Variants in TMEM222 observed in about 807,000 individuals in gnomAD.
The protein encoded by TMEM222 is chromosome 1 open reading frame 160.
TMEM222 carries 18 observed loss-of-function variants against 25.1 expected under a neutral mutation model. The observed-to-expected ratio is 0.72, with a 90% CI of 0.50 to 1.06. The LOEUF is 1.06. Among genes scored for constraint, TMEM222 ranks in the 50% least tolerant of loss-of-function variants. TMEM222 has a pLI of 0.00. For missense variants in TMEM222, 296 were observed against 293.7 expected, an observed-to-expected ratio of 1.01 and a Z score of -0.06; for synonymous variants, 131 against 117.9, an observed-to-expected ratio of 1.11 and a Z score of -0.72.
intron 1 of TMEM222, 76 bp from the exon 2 acceptor site, chr1:27,330,643 TG>T: frequency 8.2e-7 from 1 of 1,225,590 alleles, no homozygotes; most frequent in Non-Finnish European, 1.2e-6. Flanking sequence ...CTGTACTGTA[TG>T]AAGGGTCCCC....
In TMEM222 at chr1:27,322,170, G is replaced by C; in HGVS notation, c.-28G>C. ...ATGGGGACGAGCGGCACCAGAGCCG[G>C]GGCCAGTCGGAGCGGGGCGCGCGCC... On this transcript the variant is annotated 5_prime_UTR_variant, in exon 1 of 6. Coordinates refer to ENST00000374076, the MANE Select transcript of TMEM222 (RefSeq NM_032125.3). The C allele has an allele frequency of 7.3e-6, 10 of 1,368,928 alleles. No homozygotes were observed. The highest frequency in any genetic ancestry group is 9.5e-6 in the Non-Finnish European group (10 of 1,049,962). 84.8% of individuals were successfully genotyped at this position (1,368,928 alleles called of 1,614,324 possible). A position where few individuals can be genotyped will look rare whatever the true frequency, so the allele number is the denominator to read the frequency against.
At chr1:27,332,611 C>A in intron 3 of TMEM222, 1 of 683,094 alleles carries the variant, frequency 1.5e-6, no homozygotes, top group Non-Finnish European at 2.7e-6. Flanking sequence ...TCTTTGCAGT[C>A]TCGGGTGCCC....
chr1:27,333,697 C>T, intron 3 of TMEM222: 1 of 524,976 alleles, frequency 1.9e-6, no homozygotes, highest in Non-Finnish European at 3.5e-6. Context: ...GTTAAGATTT[C>T]AACATATGAA....
Position 27,334,226 on chromosome 1 carries a change from A to G in TMEM222, c.484A>G (p.Asn162Asp), listed in dbSNP as rs1447589547. 6.2e-6 allele frequency: 10 copies of G among 1,614,184 alleles called. No homozygotes were observed. Among genetic ancestry groups the G allele is most frequent in the Non-Finnish European group, 8.5e-6 (10 of 1,180,026 alleles). The change falls in exon 5 of 6, where the codon AAC (asparagine) becomes GAC (aspartate). Residue 162 changes from asparagine to aspartate, a missense_variant. Coordinates refer to ENST00000374076, the MANE Select transcript of TMEM222 (RefSeq NM_032125.3). ...LNLMRYNNST[N>D]WNMVTLCFFC... Reference sequence around the variant, plus strand: ...TCTGATGCGCTACAACAACAGCACCAACTGGAATATGGTGACGCTCTGCTT... The same window carrying G: ...TCTGATGCGCTACAACAACAGCACCGACTGGAATATGGTGACGCTCTGCTT...
intron 3 of TMEM222, chr1:27,332,397 C>T (rs1476251234): frequency 9.8e-6 from 7 of 717,846 alleles, no homozygotes; most frequent in Admixed American, 6.0e-5. Context: ...GTCAAGGTCA[C>T]ACAGGAAGTG....
rs751127933 is a variant in TMEM222, at chr1:27,334,209, G to A, written c.467G>A (p.Arg156His). The change falls in exon 5 of 6, where the codon CGC becomes CAC. Residue 156 changes from arginine to histidine, a missense_variant. Physicochemically the swap from Arg to His is conservative, Grantham distance 29. Coordinates refer to ENST00000374076, the MANE Select transcript of TMEM222 (RefSeq NM_032125.3). ...GTGGCATTGGCCCTGAATCTGATGC[G>A]CTACAACAACAGCACCAACTGGAAT... ...SHVALALNLM[R>H]YNNSTNWNMV... The A allele has an allele frequency of 1.1e-5, 17 of 1,614,184 alleles. No homozygotes were observed. The highest frequency in any genetic ancestry group is 2.2e-5 in the South Asian group (2 of 91,088).
At chr1:27,329,035 A>T (rs2014418229) in intron 1 of TMEM222, among the ~76,000 whole-genome samples, 1 of 152,054 alleles carries the variant, frequency 6.6e-6, no homozygotes, top group Admixed American at 6.6e-5. Context: ...TGCATCTGAG[A>T]TTTATTGTTG....
chr1:27,322,290 G>A lies in TMEM222; in HGVS notation c.93G>A (p.Glu31=). Residue 31 remains glutamate (E), a synonymous_variant, in exon 1 of 6, where the codon GAG becomes GAA. Coordinates refer to ENST00000374076, the MANE Select transcript of TMEM222 (RefSeq NM_032125.3). ...AAGTGGAGGCGCCGACGGCGGCCGA[G>A]ACGGACATGAAGCAATATCAAGGCT... ...MAEVEAPTAA[E]TDMKQYQGSG... is the part of the protein sequence containing the mutation. 2 of 1,561,798 alleles carry A rather than the reference G, an allele frequency of 1.3e-6. No homozygotes were observed. The highest frequency in any genetic ancestry group is 2.4e-5 in the East Asian group (1 of 40,992).
chr1:27,332,147 C>T (rs376960060), intron 3 of TMEM222, 46 bp downstream of exon 3: 46 of 1,613,388 alleles, frequency 2.9e-5, no homozygotes, highest in Admixed American at 3.3e-5. Context: ...GCAGGTCGCT[C>T]CTGCCGGGGC....
chr1:27,333,478 G>A (rs574390880), intron 3 of TMEM222: 41 of 462,896 alleles, frequency 8.9e-5, no homozygotes, highest in Non-Finnish European at 1.6e-4. Flanking sequence ...CAGTTCCGAA[G>A]ACTGGACAGT....
At chr1:27,323,700 G>A (rs984158615) in intron 1 of TMEM222, among the ~76,000 whole-genome samples, 2 of 152,182 alleles carry the variant, frequency 1.3e-5, no homozygotes, top group Non-Finnish European at 2.9e-5. Flanking sequence ...CTCAACCCGG[G>A]AAGTGGAGTT....
rs1185012896 is a variant in TMEM222, at chr1:27,322,232, T to A, written c.35T>A (p.Leu12Ter). ...GCGGAAGGGAGTTCTCTGCTCTTGT[T>A]GCCGCCGCCGCCACCCCCGCCCAGG... ...AEAEGSSLLLLPPPPPPPRMA... is the reference protein window; with the variant it reads ...AEAEGSSLLL Residue 12 changes from leucine to a stop codon, truncating the protein, a stop_gained, in exon 1 of 6, where the codon TTG becomes TAG. Transcript: ENST00000374076. LOFTEE classifies it high-confidence loss of function. The A allele has an allele frequency of 6.9e-7, 1 of 1,457,466 alleles. No individual in the cohort carries two copies. Among genetic ancestry groups the A allele is most frequent in the African/African-American group, 1.5e-5 (1 of 68,782 alleles). 90.3% of individuals were successfully genotyped at this position (1,457,466 alleles called of 1,614,324 possible).
intron 1 of TMEM222, among the ~76,000 whole-genome samples, chr1:27,327,712 C>G (rs1029379663): frequency 4.6e-5 from 7 of 152,124 alleles, no homozygotes; most frequent in African/African-American, 1.7e-4. Flanking sequence ...GCCTCAACTT[C>G]CTGGGCCCAG....
Position 27,334,025 on chromosome 1 carries a change from G to C in TMEM222, c.379G>C (p.Asp127His). 6.2e-7 allele frequency: 1 copy of C among 1,614,110 alleles called. No individual in the cohort carries two copies. The highest frequency in any genetic ancestry group is 8.5e-7 in the Non-Finnish European group (1 of 1,180,016). The change falls in exon 4 of 6, where the codon GAC becomes CAC. Residue 127 changes from aspartate (D) to histidine (H), a missense_variant. By Grantham distance (81) the Asp-to-His change is moderately conservative. Transcript: ENST00000374076. ...CAACGCATGGGACACGGCTGTGCAC[G>C]ACGCCTCTGAGGAGTACAAGCACCG... Reference protein sequence around the residue: ...GPNAWDTAVHDASEEYKHRMH... With the variant: ...GPNAWDTAVHHASEEYKHRMH...
intron 1 of TMEM222, among the ~76,000 whole-genome samples, chr1:27,323,350 G>A (rs2014256763): frequency 1.3e-5 from 2 of 152,232 alleles, no homozygotes; most frequent in Non-Finnish European, 2.9e-5. Context: ...TGGTGATGTG[G>A]AGAAGGGATC....
At chr1:27,326,552 G>C (rs2014355793) in intron 1 of TMEM222, among the ~76,000 whole-genome samples, 1 of 152,106 alleles carries the variant, frequency 6.6e-6, no homozygotes, top group African/African-American at 2.4e-5. Flanking sequence ...AAAGAAACTA[G>C]TTTAATAGCT....
chr1:27,330,813 C>T lies in TMEM222; in HGVS notation c.279+9C>T. 6.2e-7 allele frequency: 1 copy of T among 1,613,970 alleles called. No individual in the cohort carries two copies. The highest frequency in any genetic ancestry group is 8.5e-7 in the Non-Finnish European group (1 of 1,179,854). On this transcript the variant is annotated intron_variant, in intron 2 of 5. Transcript: ENST00000374076. ...GCCCCTACTTTGTCTCAGTGAGTCCCCATTCTGCCCACCCGGGGGGTTCCA... is the reference window on the plus strand; with the variant it reads ...GCCCCTACTTTGTCTCAGTGAGTCCTCATTCTGCCCACCCGGGGGGTTCCA...
At position 27,329,206 on chromosome 1, in the gene TMEM222, C is replaced by CT. The variant is rs369407722; in HGVS notation, c.195-1499dup. Among the ~76,000 whole-genome samples the CT allele has an allele frequency of 1.6e-3, 227 of 143,412 alleles. 2 individuals carry two copies. The highest frequency in any genetic ancestry group is 3.6e-3 in the Middle Eastern group (1 of 276). 94.1% of individuals were successfully genotyped at this position (143,412 alleles called of 152,430 possible). On this transcript the variant is annotated intron_variant, in intron 1 of 5. Coordinates refer to ENST00000374076, the MANE Select transcript of TMEM222 (RefSeq NM_032125.3). Reference sequence around the variant, plus strand: ...CCATACTGGTGTCATGACCGCCCACCTTTTTTTTTTTTTTTAACTTTCTTA... The same window carrying CT: ...CCATACTGGTGTCATGACCGCCCACCTTTTTTTTTTTTTTTTAACTTTCTTA...
At chr1:27,332,140 G>C (rs1163696231) in intron 3 of TMEM222, 39 bp downstream of exon 3, 2 of 1,613,864 alleles carry the variant, frequency 1.2e-6, no homozygotes, top group African/African-American at 2.7e-5. Flanking sequence ...TCTAGAGGCA[G>C]GTCGCTCCTG....
Sources: allele counts gnomAD v4.1 joint callset (sites outside exome capture counted in the v4.1 genomes callset), GRCh38; gene constraint gnomAD v4.1.1; transcripts MANE v1.5; gene names NCBI Gene and HGNC (gene_info 2026-07-23, HGNC 2026-07-21).